The following ACVR2A variants were observed in gnomAD, a reference collection of about 807,000 sequenced individuals.
ACVR2A encodes the protein activin receptor type-2A.
Under a neutral mutation model 61.4 loss-of-function variants are expected in ACVR2A, and 7 were observed. The observed-to-expected ratio is 0.11, with a 90% CI of 0.06 to 0.21. ACVR2A has a LOEUF of 0.21. Ranked by LOEUF, ACVR2A falls within the 10% of genes least tolerant of loss-of-function variation. The pLI is 1.00. For synonymous variants in ACVR2A, 193 were observed against 208.3 expected (o/e 0.93, Z 0.63); for missense variants, 322 against 621.7 (o/e 0.52, Z 5.13).
intron 1 of ACVR2A, among the ~76,000 whole-genome samples, chr2:147,881,661 G>GTGTGTGTGT (rs1686305711): frequency 3.1e-5 from 4 of 128,204 alleles, no homozygotes; most frequent in African/African-American, 1.1e-4. Context: ...GTGTGTGTGT[G>GTGTGTGTGT]GTTTTTTTTA....
chr2:147,878,052 G>A (rs1376779002), intron 1 of ACVR2A, among the ~76,000 whole-genome samples: 2 of 151,996 alleles, frequency 1.3e-5, no homozygotes, highest in African/African-American at 2.4e-5. Flanking sequence ...TAAATTATGA[G>A]GGCAAAATCT....
intron 1 of ACVR2A, among the ~76,000 whole-genome samples, chr2:147,854,934 T>C (rs961913607): frequency 6.6e-6 from 1 of 151,958 alleles, no homozygotes; most frequent in Non-Finnish European, 1.5e-5. Context: ...CAGGCTGGAG[T>C]GCAGTGGTGC....
rs1229399678 is a variant in ACVR2A, at chr2:147,928,852, TAATC to T, written c.*1581_*1584del. ...CTGAATTTCCAGATTACCAATCAATTAATCAACAAATAGCCAGTATTATGCTGTG... is the reference window on the plus strand; with the variant it reads ...CTGAATTTCCAGATTACCAATCAATTAACAAATAGCCAGTATTATGCTGTG... On this transcript the variant is annotated 3_prime_UTR_variant, in exon 11 of 11. Transcript: ENST00000241416. The T allele has an allele frequency of 1.3e-5, 2 of 152,418 alleles. No homozygotes were observed. The highest frequency in any genetic ancestry group is 2.9e-5 in the Non-Finnish European group (2 of 67,960). The allele number at this position is 152,418 out of a possible 1,614,324, so 9.4% of individuals were successfully genotyped here.
chr2:147,854,473 T>C (rs1685521111), intron 1 of ACVR2A, among the ~76,000 whole-genome samples: 1 of 152,216 alleles, frequency 6.6e-6, no homozygotes, highest in African/African-American at 2.4e-5. Flanking sequence ...AGCTATTCAA[T>C]GACTGTACTT....
intron 4 of ACVR2A, among the ~76,000 whole-genome samples, chr2:147,900,753 C>A (rs770715231): frequency 1.8e-4 from 28 of 152,080 alleles, no homozygotes; most frequent in South Asian, 6.2e-4. Flanking sequence ...TTTCTTTTAA[C>A]TCTTAAGATC....
At chr2:147,879,623 A>C (rs1230422333) in intron 1 of ACVR2A, among the ~76,000 whole-genome samples, 2 of 152,186 alleles carry the variant, frequency 1.3e-5, no homozygotes, top group Non-Finnish European at 2.9e-5. Context: ...CACTTGTCTC[A>C]TGTGAGTTGA....
intron 1 of ACVR2A, among the ~76,000 whole-genome samples, chr2:147,892,888 G>GT (rs148172777): frequency 0.033 from 4,931 of 150,650 alleles, 171 homozygotes; most frequent in African/African-American, 0.09. Context: ...CTTTTCTATT[G>GT]TTTTTTTTGA....
At chr2:147,885,936 G>T (rs908831461) in intron 1 of ACVR2A, among the ~76,000 whole-genome samples, 1 of 152,072 alleles carries the variant, frequency 6.6e-6, no homozygotes, top group Non-Finnish European at 1.5e-5. Context: ...GAAATCCTTT[G>T]TGTTGAGATT....
chr2:147,848,444 A>G lies in ACVR2A; in HGVS notation c.55+3237A>G, dbSNP rs899580026. 2.6e-5 allele frequency among the ~76,000 whole-genome samples: 4 copies of G among 152,248 alleles called. No individual in the cohort carries two copies. The East Asian group carries it at 7.7e-4, about 29-fold the overall frequency. ...GGGACGGGGTGTGCTACTGGCATCT[A>G]GTTGGGTAGAGGGCAGGGATGCTTC... On this transcript the variant is annotated intron_variant, in intron 1 of 10. Coordinates refer to ENST00000241416, the MANE Select transcript of ACVR2A (RefSeq NM_001616.5).
chr2:147,915,223 A>C lies in ACVR2A; in HGVS notation c.561A>C (p.Leu187=), dbSNP rs758374100. The change falls in exon 5 of 11, where the codon CTA becomes CTC. Residue 187 remains leucine, a synonymous_variant. Transcript: ENST00000241416. ...GACCACCCCCACCTTCTCCATTACT[A>C]GGTTTGAAACCACTGCAGTTATTAG... ...DPGPPPPSPL[L]GLKPLQLLEV... The C allele has an allele frequency of 6.2e-7, 1 of 1,612,222 alleles. No individual in the cohort carries two copies. Among genetic ancestry groups the C allele is most frequent in the East Asian group, 2.2e-5 (1 of 44,816 alleles).
At chr2:147,926,769 T>G (rs1187451788) in intron 10 of ACVR2A, among the ~76,000 whole-genome samples, 1 of 151,936 alleles carries the variant, frequency 6.6e-6, no homozygotes, top group Non-Finnish European at 1.5e-5. Context: ...TAAAAATTGG[T>G]AGGTCCCCTT....
At chr2:147,901,739 T>C (rs549850552) in intron 4 of ACVR2A, among the ~76,000 whole-genome samples, 3 of 152,140 alleles carry the variant, frequency 2.0e-5, no homozygotes, top group Admixed American at 2.0e-4. Context: ...GTATGAAAAA[T>C]ACAAGACAGG....
chr2:147,847,034 G>T (rs1016568068), intron 1 of ACVR2A, among the ~76,000 whole-genome samples: 2 of 151,944 alleles, frequency 1.3e-5, no homozygotes, highest in Non-Finnish European at 1.5e-5. Flanking sequence ...TGGTTTGGTA[G>T]TAAAAATAAT....
chr2:147,855,198 T>C (rs1685540824), intron 1 of ACVR2A, among the ~76,000 whole-genome samples: 1 of 152,148 alleles, frequency 6.6e-6, no homozygotes, highest in South Asian at 2.1e-4. Context: ...ATTTGTCCTT[T>C]CTAATATTAG....
intron 1 of ACVR2A, among the ~76,000 whole-genome samples, chr2:147,870,606 G>A (rs1685989520): frequency 6.6e-6 from 1 of 152,144 alleles, no homozygotes; most frequent in Admixed American, 6.6e-5. Flanking sequence ...AAGTCAGTAT[G>A]CAGTAACTCT....
chr2:147,880,015 C>T (rs898448977), intron 1 of ACVR2A, among the ~76,000 whole-genome samples: 5 of 152,054 alleles, frequency 3.3e-5, no homozygotes, highest in African/African-American at 9.7e-5. Context: ...ATTTGACAAG[C>T]TAGATAACAT....
chr2:147,922,910 A>G, intron 8 of ACVR2A, 63 bp from the exon 9 acceptor site: 2 of 1,554,360 alleles, frequency 1.3e-6, no homozygotes, highest in Non-Finnish European at 1.7e-6. Flanking sequence ...TCATCTTACA[A>G]AATCATATGT....
chr2:147,911,983 G>T (rs191848458), intron 4 of ACVR2A, among the ~76,000 whole-genome samples: 2 of 152,074 alleles, frequency 1.3e-5, no homozygotes, highest in East Asian at 3.9e-4. Flanking sequence ...GATATTTTTA[G>T]ATAGCTTCAT....
In ACVR2A at chr2:147,857,157, A is replaced by G. The variant is rs1254133437; in HGVS notation, c.55+11950A>G. 2.6e-5 allele frequency among the ~76,000 whole-genome samples: 4 copies of G among 152,134 alleles called. No individual in the cohort carries two copies. The East Asian group carries it at 5.8e-4, about 22-fold the overall frequency. The stretch of plus-strand genomic sequence containing the variant: ...TAAAAGTAAAAGGTTAGGGTCAGAG[A>G]AGAAGGGTGGTTATACTTTATTTTC... On this transcript the variant is annotated intron_variant, in intron 1 of 10. Coordinates refer to ENST00000241416, the MANE Select transcript of ACVR2A (RefSeq NM_001616.5).
Sources: allele counts gnomAD v4.1 joint callset (sites outside exome capture counted in the v4.1 genomes callset), GRCh38; gene constraint gnomAD v4.1.1; transcripts MANE v1.5; gene names NCBI Gene and HGNC (gene_info 2026-07-23, HGNC 2026-07-21).